CCDC92B: variants seen among roughly 807,000 people sequenced by gnomAD.
The protein encoded by CCDC92B is coiled-coil domain containing 92B, also known as coiled-coil domain-containing 92B.
A neutral mutation model predicts 5.6 loss-of-function variants in CCDC92B; 2 were observed. The ratio of observed to expected loss-of-function variants is 0.36; its 90% confidence interval spans 0.15 to 1.12. The LOEUF (loss-of-function observed/expected upper bound fraction) is 1.12. Among genes scored for constraint, CCDC92B ranks in the 50% most tolerant of loss-of-function variants. The pLI, the probability that CCDC92B is intolerant of heterozygous loss-of-function variation, is 0.40. For synonymous variants in CCDC92B, 115 were observed against 122.3 expected (o/e 0.94, Z 0.39); for missense variants, 271 against 262.2 (o/e 1.03, Z -0.23).
At chr17:2,730,885 G>A (rs1040468626) in intron 2 of CCDC92B, among the ~76,000 whole-genome samples, 10 of 152,196 alleles carry the variant, frequency 6.6e-5, no homozygotes, top group Non-Finnish European at 1.2e-4. Flanking sequence ...GACCCTTGCC[G>A]TGCAGGGCTT....
At position 2,724,860 on chromosome 17, in the gene CCDC92B, T is replaced by A. The variant is rs1304455816; in HGVS notation, c.319A>T (p.Thr107Ser). ...LVSALRCSLR[T>S]EERRFLEELR... ...TCCTCCAGGAAGCGGCGCTCCTCGG[T>A]GCGCAGGCTGCAGCGCAGCGCGGAC... Residue 107 changes from threonine (T) to serine (S), a missense_variant, in exon 4 of 4, where the codon ACC becomes TCC. Coordinates refer to ENST00000614400, the MANE Select transcript of CCDC92B (RefSeq NM_001355573.2). This position sits in a 1 kb window ranked among gnomAD's most constrained non-coding sequence, Gnocchi z 5.0. 6.4e-5 allele frequency: 63 copies of A among 984,978 alleles called. No homozygotes were observed. Among genetic ancestry groups the A allele is most frequent in the Non-Finnish European group, 7.6e-5 (63 of 829,760 alleles). 61.0% of individuals were successfully genotyped at this position (984,978 alleles called of 1,614,324 possible).
chr17:2,742,103 ACT>A (rs1222330622), intron 1 of CCDC92B, among the ~76,000 whole-genome samples: 1 of 149,830 alleles, frequency 6.7e-6, no homozygotes, highest in Non-Finnish European at 1.5e-5. Flanking sequence ...ACGGGATCTC[ACT>A]CTGTCACCCA....
chr17:2,735,855 G>C (rs2151741920), intron 1 of CCDC92B, among the ~76,000 whole-genome samples: 1 of 152,312 alleles, frequency 6.6e-6, no homozygotes, highest in East Asian at 1.9e-4. Context: ...ACCTGGGTGA[G>C]CCCTTTCCCT....
intron 1 of CCDC92B, among the ~76,000 whole-genome samples, chr17:2,746,165 A>G (rs1422450089): frequency 6.6e-6 from 1 of 152,102 alleles, no homozygotes; most frequent in Non-Finnish European, 1.5e-5. Flanking sequence ...TATTTTTAGT[A>G]GAGACGTGGT....
chr17:2,747,951 T>G, intron 1 of CCDC92B: 1 of 341,768 alleles, frequency 2.9e-6, no homozygotes, highest in Non-Finnish European at 5.8e-6. Context: ...ACGTTGAAGA[T>G]TCTATTAATG....
intron 1 of CCDC92B, among the ~76,000 whole-genome samples, chr17:2,737,697 C>T (rs112212643): frequency 0.2 from 30,349 of 151,496 alleles, 4,165 homozygotes; most frequent in East Asian, 0.36. Context: ...AGGATGGTCT[C>T]GATCTCCTGA....
rs1358746074 is a variant in CCDC92B at position 2,728,470 on chromosome 17, G to A, written c.178+1976C>T. Among the ~76,000 whole-genome samples the A allele has an allele frequency of 1.5e-4, 23 of 152,096 alleles. 1 individual carries two copies. The highest frequency in any genetic ancestry group is 1.5e-3 in the Admixed American group (23 of 15,272). ...AAATACAAAAAATGAGCCGGGCGTG[G>A]TGGCGGGCGCCTGTAGTCCCAGCTA... On this transcript the variant is annotated intron_variant, in intron 3 of 3. Transcript: ENST00000614400.
rs2070692118 is a variant in CCDC92B, at chr17:2,724,056, C to T, written c.*355G>A. The T allele has an allele frequency of 1.7e-5, 17 of 985,120 alleles. No homozygotes were observed. The highest frequency in any genetic ancestry group is 1.9e-5 in the Non-Finnish European group (16 of 829,694). The allele number at this position is 985,120 out of a possible 1,614,324, so 61.0% of individuals were successfully genotyped here. A position where few individuals can be genotyped will look rare whatever the true frequency, so the allele number is the denominator to read the frequency against. Reference sequence around the variant, plus strand: ...TTCCGTAGGCGAGCCCAGCCCTCCCCACCCCACCAAGGATTGTCGGCTTTC... The same window carrying T: ...TTCCGTAGGCGAGCCCAGCCCTCCCTACCCCACCAAGGATTGTCGGCTTTC... On this transcript the variant is annotated 3_prime_UTR_variant, in exon 4 of 4. Coordinates refer to ENST00000614400, the MANE Select transcript of CCDC92B (RefSeq NM_001355573.2). This position sits in a 1 kb window ranked among gnomAD's most constrained non-coding sequence, Gnocchi z 5.0.
intron 1 of CCDC92B, among the ~76,000 whole-genome samples, chr17:2,740,641 C>T (rs1209202706): frequency 4.0e-5 from 6 of 151,764 alleles, no homozygotes; most frequent in South Asian, 4.2e-4. Context: ...CAAGCCTGGG[C>T]GACTGAGTGA....
chr17:2,736,645 C>T (rs2070860715), intron 1 of CCDC92B, among the ~76,000 whole-genome samples: 1 of 151,640 alleles, frequency 6.6e-6, no homozygotes, highest in African/African-American at 2.4e-5. Context: ...CTTTTGGAGG[C>T]CAAGGTCGGC....
Position 2,724,331 on chromosome 17 carries a change from G to A in CCDC92B, c.*80C>T, listed in dbSNP as rs1177349446. 3.0e-6 allele frequency: 3 copies of A among 985,142 alleles called. No homozygotes were observed. The African/African-American group carries it at 5.2e-5, about 17-fold the overall frequency. 61.0% of individuals were successfully genotyped at this position (985,142 alleles called of 1,614,324 possible). A position where few individuals can be genotyped will look rare whatever the true frequency, so the allele number is the denominator to read the frequency against. ...AGGAGGGGCGGCTGCCCTCCGACCC[G>A]GGACCTGCCTGCGGGGACCGAGCTG... On this transcript the variant is annotated 3_prime_UTR_variant, in exon 4 of 4. Coordinates refer to ENST00000614400, the MANE Select transcript of CCDC92B (RefSeq NM_001355573.2). This position sits in a 1 kb window ranked among gnomAD's most constrained non-coding sequence, Gnocchi z 5.0.
In CCDC92B at chr17:2,724,042, A is replaced by T. The variant is rs2070691744; in HGVS notation, c.*369T>A. The T allele has an allele frequency of 5.1e-6, 5 of 984,642 alleles. No homozygotes were observed. The South Asian group carries it at 1.9e-4, about 37-fold the overall frequency. 61.0% of individuals were successfully genotyped at this position (984,642 alleles called of 1,614,324 possible). ...CACTCTGCGTCCCTTTCCGTAGGCG[A>T]GCCCAGCCCTCCCCACCCCACCAAG... On this transcript the variant is annotated 3_prime_UTR_variant, in exon 4 of 4. Transcript: ENST00000614400. The surrounding 1 kb of genome is among the most constrained non-coding windows in gnomAD (Gnocchi z 5.0).
intron 1 of CCDC92B, among the ~76,000 whole-genome samples, chr17:2,745,066 CAAAAAAAAAAAAA>C (rs60179555): frequency 2.5e-5 from 2 of 79,340 alleles, no homozygotes; most frequent in Non-Finnish European, 4.6e-5. Flanking sequence ...GACCCTGTCT[CAAAAAAAAAAAAA>C]AAAAAAAAAA....
At position 2,723,848 on chromosome 17, in the gene CCDC92B, G is replaced by T; in HGVS notation, c.*563C>A. 1.7e-6 allele frequency: 1 copy of T among 591,572 alleles called. No homozygotes were observed. The highest frequency in any genetic ancestry group is 2.1e-6 in the Non-Finnish European group (1 of 469,658). 36.6% of individuals were successfully genotyped at this position (591,572 alleles called of 1,614,324 possible). A position where few individuals can be genotyped will look rare whatever the true frequency, so the allele number is the denominator to read the frequency against. On this transcript the variant is annotated 3_prime_UTR_variant, in exon 4 of 4. Coordinates refer to ENST00000614400, the MANE Select transcript of CCDC92B (RefSeq NM_001355573.2). ...TCTGGGAGGACGTGTCTTCTAAAGTGTTCCGTGCTCACCTGCAAGGACCTA... is the reference window on the plus strand; with the variant it reads ...TCTGGGAGGACGTGTCTTCTAAAGTTTTCCGTGCTCACCTGCAAGGACCTA...
intron 3 of CCDC92B, among the ~76,000 whole-genome samples, chr17:2,728,457 T>A (rs2070758446): frequency 6.6e-6 from 1 of 151,692 alleles, no homozygotes. Flanking sequence ...ATACAAAAAA[T>A]GAGCCGGGCG....
chr17:2,748,580 C>T (rs1479275058), intron 1 of CCDC92B: 15 of 984,964 alleles, frequency 1.5e-5, no homozygotes, highest in South Asian at 4.7e-5. Context: ...CTAAGCCATA[C>T]GCTTCCTGAG....
At chr17:2,743,711 T>G (rs1328566322) in intron 1 of CCDC92B, among the ~76,000 whole-genome samples, 1 of 152,080 alleles carries the variant, frequency 6.6e-6, no homozygotes, top group Non-Finnish European at 1.5e-5. Context: ...TCAAGGCCTA[T>G]TCCCCTCCTT....
chr17:2,738,788 A>C (rs2070885308), intron 1 of CCDC92B, among the ~76,000 whole-genome samples: 1 of 133,560 alleles, frequency 7.5e-6, no homozygotes, highest in Non-Finnish European at 1.6e-5. Context: ...AAGAAATGTA[A>C]GGCCTGGCAC....
chr17:2,725,024 G>A (rs1269151829), intron 3 of CCDC92B, 24 bp from the exon 4 acceptor site: 5 of 985,236 alleles, frequency 5.1e-6, no homozygotes, highest in African/African-American at 3.5e-5. Context: ...GAGGCCAGAG[G>A]TGACGGTCTC....
Sources: gnomAD v4.1 joint callset for allele counts (sites outside exome capture counted in the v4.1 genomes callset) on GRCh38, gnomAD v4.1.1 for gene constraint, Gnocchi (gnomAD v3.1) non-coding constraint, MANE v1.5 for transcripts, NCBI Gene and HGNC (gene_info 2026-07-23, HGNC 2026-07-21) for gene names.